The following ANKIB1 variants were observed in gnomAD, a reference collection of about 807,000 sequenced individuals.
The protein encoded by ANKIB1 is ankyrin repeat and IBR domain containing 1.
A neutral mutation model predicts 122.1 loss-of-function variants in ANKIB1; 43 were observed. That is an observed-to-expected ratio of 0.35 (90% confidence interval 0.28 to 0.45). The LOEUF (loss-of-function observed/expected upper bound fraction) is 0.45. ANKIB1 is among the 20% of genes least tolerant of loss of function. The pLI, the probability that ANKIB1 is intolerant of heterozygous loss-of-function variation, is 1.00. For synonymous variants in ANKIB1, 390 were observed against 442.0 expected (o/e 0.88, Z 1.48); for missense variants, 992 against 1,329.5 (o/e 0.75, Z 3.95).
chr7:92,382,490 T>TAA (rs1243448019), intron 11 of ANKIB1, among the ~76,000 whole-genome samples: 7 of 152,176 alleles, frequency 4.6e-5, no homozygotes, highest in Non-Finnish European at 2.9e-5. Flanking sequence ...TAGTTGGAAG[T>TAA]AAAGCACTCC....
At chr7:92,265,686 G>C (rs1235786362) in intron 1 of ANKIB1, among the ~76,000 whole-genome samples, 1 of 152,220 alleles carries the variant, frequency 6.6e-6, no homozygotes, top group Non-Finnish European at 1.5e-5. Flanking sequence ...CAGGAGATGG[G>C]AAGGTTTGGT....
intron 6 of ANKIB1, among the ~76,000 whole-genome samples, chr7:92,343,897 T>C (rs1481679438): frequency 6.6e-6 from 1 of 152,192 alleles, no homozygotes; most frequent in Non-Finnish European, 1.5e-5. Flanking sequence ...AGTACTGCCA[T>C]TGTCAGCATT....
intron 18 of ANKIB1, among the ~76,000 whole-genome samples, chr7:92,397,220 G>A (rs1804917518): frequency 6.6e-6 from 1 of 152,180 alleles, no homozygotes; most frequent in Admixed American, 6.5e-5. Context: ...AGGCACGGTG[G>A]CTCATGCCTG....
intron 11 of ANKIB1, among the ~76,000 whole-genome samples, chr7:92,371,950 G>GGTGTGTGTGTGTGTGTGTGTGTGT (rs55936298): frequency 2.5e-5 from 3 of 118,066 alleles, no homozygotes; most frequent in Non-Finnish European, 3.4e-5. Flanking sequence ...TTGAGAGAGG[G>GGTGTGTGTGTGTGTGTGTGTGTGT]GTGTGTGTGT....
At chr7:92,292,655 C>T (rs1802274625) in intron 1 of ANKIB1, among the ~76,000 whole-genome samples, 1 of 152,038 alleles carries the variant, frequency 6.6e-6, no homozygotes, top group South Asian at 2.1e-4. Flanking sequence ...AGGATTTGCT[C>T]CTCTTATTGG....
chr7:92,307,542 A>G lies in ANKIB1; in HGVS notation c.372A>G (p.Lys124=), dbSNP rs1210365372. The change falls in exon 3 of 20, where the codon AAA becomes AAG. Residue 124 remains lysine, a synonymous_variant. Coordinates refer to ENST00000265742, the MANE Select transcript of ANKIB1 (RefSeq NM_019004.2). ...ADCLQMILKW[K]GAKLDQGEYE... ...GTCTGCAGATGATCTTAAAATGGAA[A>G]GGAGCAAAACTTGACCAGGGTGAAT... The G allele has an allele frequency of 1.9e-6, 3 of 1,613,778 alleles. No individual in the cohort carries two copies. Among genetic ancestry groups the G allele is most frequent in the Non-Finnish European group, 2.5e-6 (3 of 1,179,894 alleles).
intron 1 of ANKIB1, among the ~76,000 whole-genome samples, chr7:92,291,448 T>C (rs1233299369): frequency 6.6e-6 from 1 of 152,098 alleles, no homozygotes; most frequent in African/African-American, 2.4e-5. Flanking sequence ...ACCTACTATG[T>C]ATCCACAAAA....
chr7:92,319,409 A>G lies in ANKIB1; in HGVS notation c.566A>G (p.His189Arg), dbSNP rs1452137640. Reference sequence around the variant, plus strand: ...CCTTGTGATTGTGCTGAAAAGCAACACCACAAAGATTTGGCCCTCAATCTG... The same window carrying G: ...CCTTGTGATTGTGCTGAAAAGCAACGCCACAAAGATTTGGCCCTCAATCTG... ...DTPCDCAEKQ[H>R]HKDLALNLES... Residue 189 changes from histidine to arginine, a missense_variant, in exon 4 of 20, where the codon CAC (histidine) becomes CGC (arginine). By Grantham distance (29) the His-to-Arg change is conservative (BLOSUM62 0). Transcript: ENST00000265742. The G allele has an allele frequency of 6.2e-7, 1 of 1,613,514 alleles. No individual in the cohort carries two copies. Among genetic ancestry groups the G allele is most frequent in the East Asian group, 2.2e-5 (1 of 44,848 alleles).
At chr7:92,287,060 T>C (rs892478998) in intron 1 of ANKIB1, among the ~76,000 whole-genome samples, 3 of 152,234 alleles carry the variant, frequency 2.0e-5, no homozygotes, top group African/African-American at 7.2e-5. Context: ...TTCGCCTTTT[T>C]ATTTTTAAGT....
chr7:92,293,283 G>A lies in ANKIB1; in HGVS notation c.-90-1606G>A, dbSNP rs150583827. ...GTTCCCCAGGTTATTATACAGCCAA[G>A]GTTGAGAACTACCCTACACAAAGCC... is the stretch of plus-strand genomic sequence containing the variant. On this transcript the variant is annotated intron_variant, in intron 1 of 19. Transcript: ENST00000265742. 2.3e-3 allele frequency among the ~76,000 whole-genome samples: 356 copies of A among 152,252 alleles called. 1 individual carries two copies. The highest frequency in any genetic ancestry group is 8.3e-3 in the African/African-American group (343 of 41,550).
At chr7:92,323,905 A>G (rs1802968189) in intron 4 of ANKIB1, among the ~76,000 whole-genome samples, 1 of 152,254 alleles carries the variant, frequency 6.6e-6, no homozygotes, top group Non-Finnish European at 1.5e-5. Context: ...GATAAAAGCC[A>G]TAGAAACAGA....
intron 5 of ANKIB1, among the ~76,000 whole-genome samples, chr7:92,341,952 G>C (rs576670854): frequency 6.6e-6 from 1 of 151,592 alleles, no homozygotes; most frequent in South Asian, 2.1e-4. Context: ...ATACGTACTT[G>C]TTTATTTTCC....
intron 1 of ANKIB1, among the ~76,000 whole-genome samples, chr7:92,290,217 A>G (rs903427470): frequency 1.1e-4 from 16 of 152,184 alleles, no homozygotes; most frequent in Non-Finnish European, 1.3e-4. Flanking sequence ...TTTGATTTCA[A>G]CCTGGAGTGG....
intron 11 of ANKIB1, among the ~76,000 whole-genome samples, chr7:92,383,649 A>G (rs770724416): frequency 2.6e-5 from 4 of 152,246 alleles, no homozygotes; most frequent in Non-Finnish European, 5.9e-5. Context: ...CCACATGATC[A>G]TCTCAATAGA....
In ANKIB1 at chr7:92,352,644, T is replaced by G; in HGVS notation, c.1397+2T>G. On this transcript the variant is annotated splice_donor_variant, in intron 9 of 19. Transcript: ENST00000265742. LOFTEE classifies it high-confidence loss of function. ...TGGAAAAGGACACCTCTTCTGCTGG[T>G]TAGTATAAGACAAGTTGGAATCAGC... The G allele has an allele frequency of 6.2e-7, 1 of 1,606,852 alleles. No individual in the cohort carries two copies. The highest frequency in any genetic ancestry group is 8.5e-7 in the Non-Finnish European group (1 of 1,178,240).
intron 1 of ANKIB1, among the ~76,000 whole-genome samples, chr7:92,252,710 A>T (rs1477969941): frequency 6.6e-6 from 1 of 152,146 alleles, no homozygotes; most frequent in Non-Finnish European, 1.5e-5. Context: ...TGACTTAGCC[A>T]ATGGTAACCT....
chr7:92,309,325 T>A (rs1175973647), intron 3 of ANKIB1, among the ~76,000 whole-genome samples: 3 of 152,174 alleles, frequency 2.0e-5, no homozygotes, highest in African/African-American at 7.2e-5. Context: ...GTTTAAGCGA[T>A]CTCCCTCCCT....
At chr7:92,281,737 C>A (rs1287782627) in intron 1 of ANKIB1, among the ~76,000 whole-genome samples, 1 of 152,160 alleles carries the variant, frequency 6.6e-6, no homozygotes, top group Non-Finnish European at 1.5e-5. Context: ...GACTCAATGA[C>A]TTTGAAACAG....
intron 1 of ANKIB1, among the ~76,000 whole-genome samples, chr7:92,291,470 A>T (rs1225502020): frequency 6.6e-6 from 1 of 152,174 alleles, no homozygotes; most frequent in Non-Finnish European, 1.5e-5. Context: ...TAAAAATTTT[A>T]AAAAAGAAAG....
Sources: gnomAD v4.1 joint callset for allele counts (sites outside exome capture counted in the v4.1 genomes callset) on GRCh38, gnomAD v4.1.1 for gene constraint, MANE v1.5 for transcripts, NCBI Gene and HGNC (gene_info 2026-07-23, HGNC 2026-07-21) for gene names.